VKORC1L1: variants seen among roughly 807,000 people sequenced by gnomAD.
VKORC1L1 encodes the protein vitamin K epoxide reductase complex subunit 1-like protein 1.
In VKORC1L1, 2 loss-of-function variants were observed where a neutral mutation model predicts 18.9. That is an observed-to-expected ratio of 0.11 (90% CI 0.04 to 0.33). VKORC1L1 has a LOEUF of 0.33. Among genes scored for constraint, VKORC1L1 ranks in the 10% least tolerant of loss-of-function variants. VKORC1L1 has a pLI of 1.00. For missense variants in VKORC1L1, 123 were observed against 224.1 expected (o/e 0.55, Z 2.88); for synonymous variants, 96 against 100.0 (o/e 0.96, Z 0.24).
intron 1 of VKORC1L1, among the ~76,000 whole-genome samples, chr7:65,934,008 C>G (rs1405887733): frequency 6.6e-6 from 1 of 151,988 alleles, no homozygotes; most frequent in Non-Finnish European, 1.5e-5. Flanking sequence ...ATTGAAAACC[C>G]CACTCCACAA....
chr7:65,895,471 AAAAAAAAAAATATATATATAT>A (rs1164172424), intron 1 of VKORC1L1, among the ~76,000 whole-genome samples: 55 of 56,004 alleles, frequency 9.8e-4, no homozygotes, highest in African/African-American at 2.1e-3. Context: ...AAAAAAAAAA[AAAAAAAAAAATATATATATAT>A]ATATATATAT....
intron 1 of VKORC1L1, among the ~76,000 whole-genome samples, chr7:65,940,162 C>T (rs1790011322): frequency 6.6e-6 from 1 of 151,978 alleles, no homozygotes; most frequent in African/African-American, 2.4e-5. Context: ...GTAGCTGGGG[C>T]TACAGGTGTG....
intron 1 of VKORC1L1, among the ~76,000 whole-genome samples, chr7:65,910,767 G>T (rs1334087016): frequency 6.6e-6 from 1 of 151,848 alleles, no homozygotes; most frequent in Non-Finnish European, 1.5e-5. Context: ...ACCCTTTCAT[G>T]TAAGTGATAT....
Position 65,873,344 on chromosome 7 carries a change from G to A in VKORC1L1, c.-28G>A, listed in dbSNP as rs1562977347. 1 of 1,472,890 alleles carries A rather than the reference G, an allele frequency of 6.8e-7. No homozygotes were observed. The highest frequency in any genetic ancestry group is 9.0e-7 in the Non-Finnish European group (1 of 1,111,110). 91.2% of individuals were successfully genotyped at this position (1,472,890 alleles called of 1,614,324 possible). A position where few individuals can be genotyped will look rare whatever the true frequency, so the allele number is the denominator to read the frequency against. On this transcript the variant is annotated 5_prime_UTR_variant, in exon 1 of 3. Coordinates refer to ENST00000360768, the MANE Select transcript of VKORC1L1 (RefSeq NM_173517.6). ...CGGCGGCGGCTGAGGTGGAGGCGGA[G>A]GGAGGCGGCGGCGGCGGCGGCGGGA...
chr7:65,886,219 G>A (rs13222353), intron 1 of VKORC1L1, among the ~76,000 whole-genome samples: 4,149 of 152,130 alleles, frequency 0.027, 72 homozygotes, highest in Admixed American at 0.049. Flanking sequence ...TGTATACTCT[G>A]GTTCTTGTAA....
intron 1 of VKORC1L1, among the ~76,000 whole-genome samples, chr7:65,913,061 T>G (rs986558353): frequency 6.6e-6 from 1 of 152,154 alleles, no homozygotes; most frequent in African/African-American, 2.4e-5. Context: ...CTCAGAGAGC[T>G]GGTAATGCTG....
At position 65,954,291 on chromosome 7, in the gene VKORC1L1, G is replaced by A. The variant is rs1790257942; in HGVS notation, c.522G>A (p.Lys174=). The change falls in exon 3 of 3, where the codon AAG becomes AAA. Residue 174 remains lysine (K), a synonymous_variant. Transcript: ENST00000360768. The part of the protein sequence containing the change: ...NEAWKRQLQP[K]QD ...CCTGGAAGCGGCAGCTGCAACCCAA[G>A]CAGGACTGACGCCCGACAGACTCCA... The A allele has an allele frequency of 6.2e-7, 1 of 1,614,048 alleles. No individual in the cohort carries two copies. Among genetic ancestry groups the A allele is most frequent in the African/African-American group, 1.3e-5 (1 of 75,020 alleles).
At chr7:65,925,673 T>TA (rs1789749464) in intron 1 of VKORC1L1, among the ~76,000 whole-genome samples, 3 of 152,222 alleles carry the variant, frequency 2.0e-5, no homozygotes. Flanking sequence ...TCAAAGCCTT[T>TA]ACTGCTTGTA....
At chr7:65,874,699 G>C (rs1440693714) in intron 1 of VKORC1L1, among the ~76,000 whole-genome samples, 1 of 151,982 alleles carries the variant, frequency 6.6e-6, no homozygotes, top group African/African-American at 2.4e-5. Context: ...CCAGCTACTC[G>C]GGAGGCTGAG....
chr7:65,910,087 G>A (rs529381469), intron 1 of VKORC1L1, among the ~76,000 whole-genome samples: 38 of 152,142 alleles, frequency 2.5e-4, no homozygotes, highest in African/African-American at 8.4e-4. Context: ...GAAGTATTAA[G>A]ATAATTAAAA....
chr7:65,932,007 T>C (rs1789866178), intron 1 of VKORC1L1, among the ~76,000 whole-genome samples: 1 of 152,174 alleles, frequency 6.6e-6, no homozygotes, highest in Non-Finnish European at 1.5e-5. Flanking sequence ...CTCTATTGTT[T>C]TTCTGTTTTA....
chr7:65,886,602 A>G (rs546647743), intron 1 of VKORC1L1, among the ~76,000 whole-genome samples: 8 of 152,076 alleles, frequency 5.3e-5, no homozygotes, highest in Admixed American at 5.2e-4. Context: ...CAGTGGTGCA[A>G]TCTCGGCTCA....
At chr7:65,905,286 T>C (rs1583838630) in intron 1 of VKORC1L1, among the ~76,000 whole-genome samples, 1 of 152,160 alleles carries the variant, frequency 6.6e-6, no homozygotes, top group African/African-American at 2.4e-5. Context: ...CATAAGTTGT[T>C]TTAAATTGGC....
At chr7:65,871,067 C>A (rs960977999), upstream of VKORC1L1, among the ~76,000 whole-genome samples, 2 of 152,206 alleles carry the variant, frequency 1.3e-5, no homozygotes, top group Admixed American at 1.3e-4. Flanking sequence ...AGCCACCCCA[C>A]CTGGGCAGAG....
chr7:65,949,340 G>A (rs1437230875), intron 2 of VKORC1L1, among the ~76,000 whole-genome samples: 4 of 151,956 alleles, frequency 2.6e-5, no homozygotes, highest in Non-Finnish European at 4.4e-5. Context: ...TTAGCTGGGC[G>A]AGGTGGTGCA....
chr7:65,940,113 C>G (rs1382851194), intron 1 of VKORC1L1, among the ~76,000 whole-genome samples: 2 of 151,950 alleles, frequency 1.3e-5, no homozygotes, highest in Non-Finnish European at 2.9e-5. Flanking sequence ...TGGCCTCGAA[C>G]TGCTGGACTC....
rs1340145159 is a variant in VKORC1L1 at position 65,958,147 on chromosome 7, A to G, written c.*3847A>G. 1 of 152,194 alleles carries G rather than the reference A, an allele frequency of 6.6e-6. No homozygotes were observed. The highest frequency in any genetic ancestry group is 1.9e-4 in the East Asian group (1 of 5,190). The allele number at this position is 152,194 out of a possible 1,614,324, so 9.4% of individuals were successfully genotyped here. A position where few individuals can be genotyped will look rare whatever the true frequency, so the allele number is the denominator to read the frequency against. On this transcript the variant is annotated 3_prime_UTR_variant, in exon 3 of 3. Transcript: ENST00000360768. Reference sequence around the variant, plus strand: ...ACCTCAGGCAGCACTTATGGTTTCTAATTGTGAGAACTACCCTTCCATCAA... The same window carrying G: ...ACCTCAGGCAGCACTTATGGTTTCTGATTGTGAGAACTACCCTTCCATCAA...
At chr7:65,891,818 T>A (rs1254573648) in intron 1 of VKORC1L1, among the ~76,000 whole-genome samples, 1 of 152,214 alleles carries the variant, frequency 6.6e-6, no homozygotes, top group Non-Finnish European at 1.5e-5. Flanking sequence ...ATATTCCAAT[T>A]CTAGTCTTTT....
chr7:65,934,767 A>G (rs1055680095), intron 1 of VKORC1L1, among the ~76,000 whole-genome samples: 2 of 152,108 alleles, frequency 1.3e-5, no homozygotes, highest in Non-Finnish European at 1.5e-5. Flanking sequence ...ATTAAAAAAA[A>G]GTCTAGGCTG....
Sources: gnomAD v4.1 joint callset for allele counts (sites outside exome capture counted in the v4.1 genomes callset) on GRCh38, gnomAD v4.1.1 for gene constraint, MANE v1.5 for transcripts, NCBI Gene and HGNC (gene_info 2026-07-23, HGNC 2026-07-21) for gene names.